LSM5: variants seen among roughly 807,000 people sequenced by gnomAD.
LSM5 encodes the protein U6 snRNA-associated Sm-like protein LSm5.
Under a neutral mutation model 13.8 loss-of-function variants are expected in LSM5, and 8 were observed. The observed-to-expected ratio is 0.58, with a 90% CI of 0.34 to 1.04. LSM5 has a LOEUF of 1.04. LSM5 is among the 50% of genes least tolerant of loss of function. The pLI is 0.03. For missense variants in LSM5, 80 were observed against 108.1 expected, an observed-to-expected ratio of 0.74 and a Z score of 1.15; for synonymous variants, 35 against 37.0, an observed-to-expected ratio of 0.95 and a Z score of 0.20.
chr7:32,489,975 C>G, intron 1 of LSM5: 1 of 1,210,404 alleles, frequency 8.3e-7, no homozygotes, highest in South Asian at 1.5e-5. Context: ...ATAACATGGT[C>G]TATCTAATCT....
intron 3 of LSM5, chr7:32,488,101 G>A (rs539861934): frequency 3.5e-6 from 1 of 281,758 alleles, no homozygotes; most frequent in Non-Finnish European, 6.7e-6. Flanking sequence ...GCTGAGTACA[G>A]TGGTACAATC....
At chr7:32,493,820 CA>C (rs1786653515), upstream of LSM5, among the ~76,000 whole-genome samples, 1 of 151,846 alleles carries the variant, frequency 6.6e-6, no homozygotes, top group Non-Finnish European at 1.5e-5. Context: ...GGATTACCAG[CA>C]TGAGCCACCA....
chr7:32,493,462 G>GA (rs577768503), upstream of LSM5, among the ~76,000 whole-genome samples: 5 of 151,748 alleles, frequency 3.3e-5, no homozygotes, highest in Admixed American at 3.3e-4. Flanking sequence ...ATTTAGAGAT[G>GA]AAAAAAATCC....
chr7:32,493,790 A>G (rs1234958139), upstream of LSM5, among the ~76,000 whole-genome samples: 1 of 146,922 alleles, frequency 6.8e-6, no homozygotes, highest in Non-Finnish European at 1.5e-5. Context: ...ATCTGCCCGC[A>G]TCGGCCTCCC....
chr7:32,492,941 A>C (rs985310842), upstream of LSM5, among the ~76,000 whole-genome samples: 1 of 152,266 alleles, frequency 6.6e-6, no homozygotes, highest in African/African-American at 2.4e-5. Flanking sequence ...TTATTTTCCC[A>C]ATAGACATTT....
In LSM5 at chr7:32,490,307, G is replaced by A; in HGVS notation, c.46+13C>T. 4.3e-6 allele frequency: 7 copies of A among 1,614,208 alleles called. No individual in the cohort carries two copies. Among genetic ancestry groups the A allele is most frequent in the Admixed American group, 1.7e-5 (1 of 60,024 alleles). On this transcript the variant is annotated intron_variant, in intron 1 of 4. Coordinates refer to ENST00000450169, the MANE Select transcript of LSM5 (RefSeq NM_012322.3). ...CAGCTCCCTGTTCCTGCTCCCCAAA[G>A]GACGGCGATTACCTAAGGGCAGCAG...
chr7:32,487,421 G>GT (rs1217215176), intron 4 of LSM5, 128 bp from the exon 5 acceptor site: 25 of 744,206 alleles, frequency 3.4e-5, no homozygotes, highest in Middle Eastern at 2.3e-4. Context: ...CAGATTGTCA[G>GT]TATCTATTTA....
At chr7:32,487,332 C>G (rs1391293042) in intron 4 of LSM5, 39 bp from the exon 5 acceptor site, 7 of 1,582,926 alleles carry the variant, frequency 4.4e-6, no homozygotes, top group African/African-American at 2.7e-5. Flanking sequence ...ATAACACTAC[C>G]ACCATGTCAT....
upstream of LSM5, among the ~76,000 whole-genome samples, chr7:32,494,216 TC>T (rs1562741139): frequency 6.6e-6 from 1 of 152,182 alleles, no homozygotes; most frequent in African/African-American, 2.4e-5. Context: ...ACAGGTTATA[TC>T]AAGAAAATAT....
chr7:32,487,944 G>C (rs1786486625), intron 3 of LSM5, 187 bp from the exon 4 acceptor site: 2 of 527,628 alleles, frequency 3.8e-6, no homozygotes, highest in South Asian at 4.3e-5. Flanking sequence ...AAAAGCAGCA[G>C]AATGAACTCA....
chr7:32,490,165 G>A (rs1273701555), intron 1 of LSM5, 155 bp downstream of exon 1: 13 of 1,549,422 alleles, frequency 8.4e-6, no homozygotes, highest in South Asian at 3.6e-5. Context: ...GAGCAGGTGC[G>A]GCCTGCTGTC....
chr7:32,492,206 G>A (rs766294694), upstream of LSM5, among the ~76,000 whole-genome samples: 1 of 147,084 alleles, frequency 6.8e-6, no homozygotes, highest in Admixed American at 6.6e-5. Flanking sequence ...TCAAAACATT[G>A]TTGTTATTTG....
At chr7:32,489,139 T>C (rs1353140833) in intron 2 of LSM5, 110 bp downstream of exon 2, 3 of 617,902 alleles carry the variant, frequency 4.9e-6, no homozygotes, top group African/African-American at 3.8e-5. Context: ...ATAAGTTCCC[T>C]GAGAATGAAC....
chr7:32,492,395 C>T (rs2044838), upstream of LSM5, among the ~76,000 whole-genome samples: 1 of 151,990 alleles, frequency 6.6e-6, no homozygotes, highest in African/African-American at 2.4e-5. Flanking sequence ...TGGTGGCACA[C>T]GCCTGTAGTC....
chr7:32,494,560 T>G (rs1786688775), upstream of LSM5, among the ~76,000 whole-genome samples: 1 of 152,242 alleles, frequency 6.6e-6, no homozygotes, highest in African/African-American at 2.4e-5. Context: ...TCGAATTCTA[T>G]TTGAAGCAGA....
chr7:32,489,853 T>C (rs1786535435), intron 1 of LSM5, among the ~76,000 whole-genome samples: 1 of 152,206 alleles, frequency 6.6e-6, no homozygotes, highest in Admixed American at 6.5e-5. Context: ...AGTGTATAGA[T>C]ACTCAGTTAC....
At position 32,485,423 on chromosome 7, in the gene LSM5, C is replaced by T. The variant is rs890097901; in HGVS notation, c.*1838G>A. 6.6e-6 allele frequency: 1 copy of T among 152,164 alleles called. No homozygotes were observed. The allele number at this position is 152,164 out of a possible 1,614,324, so 9.4% of individuals were successfully genotyped here. A position where few individuals can be genotyped will look rare whatever the true frequency, so the allele number is the denominator to read the frequency against. ...AACCATAATGGACTAGGTCAACATG[C>T]AACTACATTAAAATACATCATTTAT... On this transcript the variant is annotated 3_prime_UTR_variant, in exon 5 of 5. Transcript: ENST00000450169.
chr7:32,489,837 G>A (rs1300307589), intron 1 of LSM5, among the ~76,000 whole-genome samples: 2 of 152,282 alleles, frequency 1.3e-5, no homozygotes, highest in Non-Finnish European at 1.5e-5. Context: ...CCCAGGCACG[G>A]TATCTAGTGT....
upstream of LSM5, among the ~76,000 whole-genome samples, chr7:32,491,230 C>T (rs962370785): frequency 2.0e-5 from 3 of 152,094 alleles, no homozygotes; most frequent in Non-Finnish European, 2.9e-5. Context: ...AACCCCGTCT[C>T]TACTAAAAAT....
Sources: gnomAD v4.1 joint callset for allele counts (sites outside exome capture counted in the v4.1 genomes callset) on GRCh38, gnomAD v4.1.1 for gene constraint, MANE v1.5 for transcripts, NCBI Gene and HGNC (gene_info 2026-07-23, HGNC 2026-07-21) for gene names.